Variants in HS6ST3 observed in about 807,000 individuals in gnomAD.
HS6ST3 encodes the protein heparan sulfate 6-O-sulfotransferase 3.
In HS6ST3, 12 loss-of-function variants were observed where a neutral mutation model predicts 36.7. The ratio of observed to expected loss-of-function variants is 0.33; its 90% CI spans 0.21 to 0.53. HS6ST3 has a LOEUF of 0.53. Among genes scored for constraint, HS6ST3 ranks in the 20% least tolerant of loss-of-function variants. The probability of loss-of-function intolerance (pLI) is 0.95; values close to 1 mark genes in which losing one functional copy is unlikely to be tolerated. For synonymous variants in HS6ST3, 240 were observed against 257.5 expected, an observed-to-expected ratio of 0.93 and a Z score of 0.65; for missense variants, 584 against 640.9, an observed-to-expected ratio of 0.91 and a Z score of 0.96.
At chr13:96,648,483 C>T (rs913817061) in intron 1 of HS6ST3, among the ~76,000 whole-genome samples, 90 of 141,116 alleles carry the variant, frequency 6.4e-4, no homozygotes, top group African/African-American at 2.1e-3. Context: ...TTTCCACTTT[C>T]TTTTTTTTTT....
intron 1 of HS6ST3, among the ~76,000 whole-genome samples, chr13:96,635,032 T>C (rs2139003097): frequency 6.6e-6 from 1 of 152,334 alleles, no homozygotes; most frequent in East Asian, 1.9e-4. Flanking sequence ...ATGTGGCATT[T>C]CTTGCATCAC....
At chr13:96,190,381 T>A (rs1231231268) in intron 1 of HS6ST3, among the ~76,000 whole-genome samples, 1 of 152,168 alleles carries the variant, frequency 6.6e-6, no homozygotes, top group African/African-American at 2.4e-5. Flanking sequence ...GTATTAACTA[T>A]CTTCTACATG....
At chr13:96,665,440 AG>A (rs2056660502) in intron 1 of HS6ST3, among the ~76,000 whole-genome samples, 2 of 152,182 alleles carry the variant, frequency 1.3e-5, no homozygotes, top group Admixed American at 6.5e-5. Flanking sequence ...ATTATGCATA[AG>A]TATACCAAAG....
chr13:96,224,887 C>T (rs546371093), intron 1 of HS6ST3, among the ~76,000 whole-genome samples: 1 of 152,240 alleles, frequency 6.6e-6, no homozygotes, highest in African/African-American at 2.4e-5. Flanking sequence ...TTCTTTTAGG[C>T]CATTCTTAAA....
intron 1 of HS6ST3, among the ~76,000 whole-genome samples, chr13:96,520,111 A>G (rs577359003): frequency 1.9e-4 from 29 of 152,264 alleles, no homozygotes; most frequent in Admixed American, 3.3e-4. Flanking sequence ...TTTATTAAAC[A>G]GGGAATCTTT....
At chr13:96,184,036 A>G (rs1331120247) in intron 1 of HS6ST3, among the ~76,000 whole-genome samples, 3 of 151,800 alleles carry the variant, frequency 2.0e-5, no homozygotes, top group Non-Finnish European at 2.9e-5. Context: ...CCCTGTCTCT[A>G]CTAAAAATAC....
intron 1 of HS6ST3, among the ~76,000 whole-genome samples, chr13:96,105,860 A>G (rs1488543417): frequency 6.6e-6 from 1 of 152,232 alleles, no homozygotes; most frequent in Non-Finnish European, 1.5e-5. Flanking sequence ...GAATGAAATC[A>G]TCATTATGTA....
intron 1 of HS6ST3, among the ~76,000 whole-genome samples, chr13:96,270,429 G>A (rs2054714198): frequency 2.0e-5 from 3 of 151,896 alleles, no homozygotes. Flanking sequence ...TTTTTTCTAA[G>A]TTATCATTAG....
intron 1 of HS6ST3, among the ~76,000 whole-genome samples, chr13:96,547,833 T>G (rs1190012603): frequency 6.6e-6 from 1 of 152,154 alleles, no homozygotes; most frequent in Non-Finnish European, 1.5e-5. Flanking sequence ...TGTTCTTGGC[T>G]TAAACGACTT....
At chr13:96,469,743 G>A (rs2055831785) in intron 1 of HS6ST3, among the ~76,000 whole-genome samples, 1 of 151,958 alleles carries the variant, frequency 6.6e-6, no homozygotes, top group Non-Finnish European at 1.5e-5. Context: ...GGTGGTGATG[G>A]CGGTGGTGGT....
At chr13:96,341,170 G>A (rs960738124) in intron 1 of HS6ST3, among the ~76,000 whole-genome samples, 1 of 152,108 alleles carries the variant, frequency 6.6e-6, no homozygotes, top group African/African-American at 2.4e-5. Flanking sequence ...TTTCGAAGTG[G>A]TATAAAATAT....
At chr13:96,709,325 G>A (rs1875505576) in intron 1 of HS6ST3, among the ~76,000 whole-genome samples, 1 of 152,146 alleles carries the variant, frequency 6.6e-6, no homozygotes, top group Admixed American at 6.5e-5. Flanking sequence ...CTTTATAGCA[G>A]TGTCAAAGCA....
At chr13:96,766,634 G>A (rs1877124056) in intron 1 of HS6ST3, among the ~76,000 whole-genome samples, 2 of 152,140 alleles carry the variant, frequency 1.3e-5, no homozygotes, top group Admixed American at 1.3e-4. Flanking sequence ...AGTTTTCTCT[G>A]AGGATAAGCT....
At chr13:96,679,637 T>C (rs2056711489) in intron 1 of HS6ST3, among the ~76,000 whole-genome samples, 1 of 152,170 alleles carries the variant, frequency 6.6e-6, no homozygotes, top group African/African-American at 2.4e-5. Flanking sequence ...TCTGGTCTTT[T>C]TGATATGCTT....
chr13:96,439,135 AT>A (rs527941905), intron 1 of HS6ST3, among the ~76,000 whole-genome samples: 1 of 152,132 alleles, frequency 6.6e-6, no homozygotes, highest in Non-Finnish European at 1.5e-5. Flanking sequence ...TAGATCTTAT[AT>A]TTGAGTGTGG....
intron 1 of HS6ST3, among the ~76,000 whole-genome samples, chr13:96,776,579 C>G (rs919972293): frequency 8.5e-4 from 129 of 152,266 alleles, no homozygotes; most frequent in African/African-American, 3.0e-3. Flanking sequence ...CATAAATAAA[C>G]TACAACATGT....
rs544201505 is a variant in HS6ST3, at chr13:96,759,827, G to A, written c.708-72663G>A. 2.0e-5 allele frequency among the ~76,000 whole-genome samples: 3 copies of A among 151,992 alleles called. No individual in the cohort carries two copies. In the South Asian group the frequency reaches 6.2e-4, roughly 32 times the overall value. On this transcript the variant is annotated intron_variant, in intron 1 of 1. Transcript: ENST00000376705. ...AATGCATTTCTAAGAGCTACTGAGT[G>A]TTACCAACCATGGATGTGAAGGGTC...
chr13:96,563,041 C>CA (rs34175542), intron 1 of HS6ST3, among the ~76,000 whole-genome samples: 10,862 of 79,282 alleles, frequency 0.14, 478 homozygotes, highest in Middle Eastern at 0.17. Context: ...GCAGAAATAG[C>CA]AAAAAAAAAA....
intron 1 of HS6ST3, among the ~76,000 whole-genome samples, chr13:96,760,339 T>G (rs1426470346): frequency 2.0e-5 from 3 of 152,050 alleles, no homozygotes; most frequent in Non-Finnish European, 4.4e-5. Flanking sequence ...CAGTTCTTGA[T>G]TTATTGACTT....
Sources: allele counts gnomAD v4.1 joint callset (sites outside exome capture counted in the v4.1 genomes callset), GRCh38; gene constraint gnomAD v4.1.1; transcripts MANE v1.5; gene names NCBI Gene and HGNC (gene_info 2026-07-23, HGNC 2026-07-21).